RSBN1L: variants seen among roughly 807,000 people sequenced by gnomAD.
The protein encoded by RSBN1L is round spermatid basic protein 1 like.
A neutral mutation model predicts 67.7 loss-of-function variants in RSBN1L; 30 were observed. The observed-to-expected ratio is 0.44, with a 90% CI of 0.33 to 0.60. The LOEUF is 0.60. RSBN1L is among the 20% of genes least tolerant of loss of function. The probability of loss-of-function intolerance (pLI) is 0.02; values close to 1 mark genes in which losing one functional copy is unlikely to be tolerated. For missense variants in RSBN1L, 992 were observed against 1,031.7 expected (o/e 0.96, Z 0.53); for synonymous variants, 433 against 387.0 (o/e 1.12, Z -1.39).
At chr7:77,757,677 A>G (rs1221934253) in intron 3 of RSBN1L, among the ~76,000 whole-genome samples, 1 of 152,186 alleles carries the variant, frequency 6.6e-6, no homozygotes, top group Non-Finnish European at 1.5e-5. Context: ...ATGTCTGATG[A>G]TTGGCAGACC....
At chr7:77,752,199 C>T (rs1436331721) in intron 3 of RSBN1L, among the ~76,000 whole-genome samples, 1 of 152,120 alleles carries the variant, frequency 6.6e-6, no homozygotes, top group Non-Finnish European at 1.5e-5. Context: ...CTTCGGGCTT[C>T]TTGGGTAATA....
At chr7:77,736,920 T>C (rs1791345070) in intron 2 of RSBN1L, among the ~76,000 whole-genome samples, 1 of 152,228 alleles carries the variant, frequency 6.6e-6, no homozygotes, top group South Asian at 2.1e-4. Flanking sequence ...AATATTTGAC[T>C]GTCATCACCA....
intron 3 of RSBN1L, among the ~76,000 whole-genome samples, chr7:77,752,233 G>T: frequency 6.6e-6 from 1 of 152,136 alleles, no homozygotes. Context: ...GGAAACTCCA[G>T]GCAGATGGAT....
intron 1 of RSBN1L, among the ~76,000 whole-genome samples, chr7:77,727,147 G>A (rs953129704): frequency 3.3e-5 from 5 of 151,796 alleles, no homozygotes; most frequent in Admixed American, 3.3e-4. Context: ...GAGTGCAGTG[G>A]CACTCTCTTG....
At chr7:77,768,547 A>C (rs1288103277) in intron 4 of RSBN1L, 114 bp from the exon 5 acceptor site, 24 of 875,254 alleles carry the variant, frequency 2.7e-5, no homozygotes, top group Non-Finnish European at 4.1e-5. Flanking sequence ...TCAGATGCTT[A>C]AGTATAAAGC....
At chr7:77,719,365 C>T (rs1037646999) in intron 1 of RSBN1L, among the ~76,000 whole-genome samples, 1 of 151,994 alleles carries the variant, frequency 6.6e-6, no homozygotes, top group Non-Finnish European at 1.5e-5. Flanking sequence ...TTACATATGC[C>T]CACACATATT....
chr7:77,746,171 C>T (rs1238818541), intron 2 of RSBN1L, among the ~76,000 whole-genome samples: 2 of 152,088 alleles, frequency 1.3e-5, no homozygotes, highest in Non-Finnish European at 2.9e-5. Flanking sequence ...TAAAGAAGTA[C>T]CCGAGACTGG....
chr7:77,745,801 G>T (rs1240045383), intron 2 of RSBN1L, among the ~76,000 whole-genome samples: 1 of 152,180 alleles, frequency 6.6e-6, no homozygotes, highest in Non-Finnish European at 1.5e-5. Flanking sequence ...TGTAGAATCA[G>T]TGGGAACCCT....
chr7:77,739,078 C>G (rs576945917), intron 2 of RSBN1L, among the ~76,000 whole-genome samples: 3 of 152,314 alleles, frequency 2.0e-5, no homozygotes, highest in Admixed American at 1.3e-4. Context: ...TGAGTGTTAT[C>G]TGTTGTTACT....
chr7:77,717,502 A>G (rs1263973708), intron 1 of RSBN1L, among the ~76,000 whole-genome samples: 1 of 152,224 alleles, frequency 6.6e-6, no homozygotes, highest in Non-Finnish European at 1.5e-5. Context: ...TGGTACTTCA[A>G]GCATTGTTTT....
intron 2 of RSBN1L, among the ~76,000 whole-genome samples, chr7:77,737,363 A>T (rs1186526702): frequency 6.6e-6 from 1 of 152,182 alleles, no homozygotes; most frequent in East Asian, 1.9e-4. Context: ...ATAAGGCTTT[A>T]TATTTGCTTG....
intron 2 of RSBN1L, among the ~76,000 whole-genome samples, chr7:77,744,714 G>T (rs1377872439): frequency 6.6e-6 from 1 of 152,040 alleles, no homozygotes; most frequent in Non-Finnish European, 1.5e-5. Flanking sequence ...CACTGCGCCT[G>T]GCCACAGATA....
chr7:77,725,486 A>T (rs1256304327), intron 1 of RSBN1L, among the ~76,000 whole-genome samples: 1 of 151,120 alleles, frequency 6.6e-6, no homozygotes, highest in Admixed American at 6.6e-5. Context: ...ACCTCAGGTG[A>T]TCCACCTGCC....
intron 3 of RSBN1L, among the ~76,000 whole-genome samples, chr7:77,751,543 C>G (rs1464843889): frequency 6.6e-6 from 1 of 152,172 alleles, no homozygotes; most frequent in Admixed American, 6.5e-5. Flanking sequence ...ATAGAGCATC[C>G]ATTACTAGCC....
chr7:77,724,138 T>A (rs947348521), intron 1 of RSBN1L, among the ~76,000 whole-genome samples: 1 of 152,046 alleles, frequency 6.6e-6, no homozygotes, highest in Admixed American at 6.5e-5. Context: ...TAGCATAACA[T>A]CGAGATAATA....
chr7:77,751,182 C>G (rs910621795), intron 3 of RSBN1L, among the ~76,000 whole-genome samples: 2 of 152,002 alleles, frequency 1.3e-5, no homozygotes, highest in African/African-American at 4.8e-5. Context: ...GAGATGGAGT[C>G]AGACTGGAGT....
At chr7:77,741,233 C>T (rs1395872333) in intron 2 of RSBN1L, among the ~76,000 whole-genome samples, 20 of 151,502 alleles carry the variant, frequency 1.3e-4, no homozygotes, top group African/African-American at 4.6e-4. Flanking sequence ...GCAGTCCACC[C>T]GCCTCAGCCT....
intron 1 of RSBN1L, 145 bp from the exon 2 acceptor site, chr7:77,736,265 C>A: frequency 3.8e-6 from 1 of 263,084 alleles, no homozygotes; most frequent in Non-Finnish European, 7.0e-6. Flanking sequence ...TCCCCAAAAC[C>A]TGAGAGGAAA....
At chr7:77,758,569 C>T (rs908293003) in intron 3 of RSBN1L, among the ~76,000 whole-genome samples, 13 of 152,222 alleles carry the variant, frequency 8.5e-5, no homozygotes, top group Admixed American at 7.8e-4. Flanking sequence ...GCAGTGAAAT[C>T]GTAGGCTTTA....
Sources: gnomAD v4.1 joint callset for allele counts (sites outside exome capture counted in the v4.1 genomes callset) on GRCh38, gnomAD v4.1.1 for gene constraint, MANE v1.5 for transcripts, NCBI Gene and HGNC (gene_info 2026-07-23, HGNC 2026-07-21) for gene names.